VAPB: variants seen among roughly 807,000 people sequenced by gnomAD.
VAPB encodes the protein VAMP associated protein B and C.
Under a neutral mutation model 25.6 loss-of-function variants are expected in VAPB, and 7 were observed. The observed-to-expected ratio is 0.27, with a 90% CI of 0.16 to 0.51. The LOEUF (loss-of-function observed/expected upper bound fraction) is 0.51, where lower values mean the gene tolerates loss of function less well. Among genes scored for constraint, VAPB ranks in the 20% least tolerant of loss-of-function variants. The pLI is 0.97. For synonymous variants in VAPB, 112 were observed against 109.2 expected (o/e 1.03, Z -0.16); for missense variants, 266 against 301.3 (o/e 0.88, Z 0.87).
intron 2 of VAPB, among the ~76,000 whole-genome samples, chr20:58,422,102 A>C (rs1213033924): frequency 6.6e-6 from 1 of 152,182 alleles, no homozygotes; most frequent in African/African-American, 2.4e-5. Flanking sequence ...TTTCCCAAAG[A>C]GTTGCTTTAG....
At position 58,447,973 on chromosome 20, in the gene VAPB, A is replaced by C. The variant is rs766693591; in HGVS notation, c.*3738A>C. 1.3e-4 allele frequency: 60 copies of C among 453,796 alleles called. No homozygotes were observed. The highest frequency in any genetic ancestry group is 2.3e-4 in the Non-Finnish European group (53 of 226,748). 28.1% of individuals were successfully genotyped at this position (453,796 alleles called of 1,614,324 possible). A position where few individuals can be genotyped will look rare whatever the true frequency, so the allele number is the denominator to read the frequency against. On this transcript the variant is annotated 3_prime_UTR_variant, in exon 6 of 6. Transcript: ENST00000475243. ...AGAGGCCACTGCTTCCCCCTGCTGG[A>C]GATGGCATTTCATTGAAGGGCCTCT... is the stretch of plus-strand genomic sequence containing the variant.
chr20:58,443,905 C>T (rs1989216341), intron 5 of VAPB, among the ~76,000 whole-genome samples, 172 bp from the exon 6 acceptor site: 1 of 152,212 alleles, frequency 6.6e-6, no homozygotes, highest in Non-Finnish European at 1.5e-5. Context: ...TCAGTGGCTT[C>T]AGGCTAGCCC....
At chr20:58,393,952 G>A (rs1343491682) in intron 1 of VAPB, among the ~76,000 whole-genome samples, 1 of 152,182 alleles carries the variant, frequency 6.6e-6, no homozygotes, top group Non-Finnish European at 1.5e-5. Flanking sequence ...GGCTGGTCTC[G>A]AACTCCCGAC....
At chr20:58,437,099 A>G (rs930557151) in intron 3 of VAPB, among the ~76,000 whole-genome samples, 1 of 145,030 alleles carries the variant, frequency 6.9e-6, no homozygotes, top group South Asian at 2.2e-4. Flanking sequence ...TGTTCGAGTA[A>G]CTAAAACTAC....
intron 2 of VAPB, chr20:58,431,017 G>A (rs1468066038): frequency 2.0e-5 from 3 of 152,228 alleles, no homozygotes; most frequent in African/African-American, 7.2e-5. Flanking sequence ...AGTTGGAAAA[G>A]GGGAGAGTAT....
Position 58,444,744 on chromosome 20 carries a change from T to C in VAPB, c.*509T>C, listed in dbSNP as rs1170837800. 2.2e-6 allele frequency: 1 copy of C among 454,542 alleles called. No homozygotes were observed. Among genetic ancestry groups the C allele is most frequent in the Admixed American group, 2.3e-5 (1 of 42,574 alleles). The allele number at this position is 454,542 out of a possible 1,614,324, so 28.2% of individuals were successfully genotyped here. On this transcript the variant is annotated 3_prime_UTR_variant, in exon 6 of 6. Transcript: ENST00000475243. ...CAAGCCATCAGCTCCTTGGGACTGA[T>C]GAACAGAGTCAGAAGCCCAAAGGAA...
At chr20:58,410,003 A>G (rs1426817740) in intron 1 of VAPB, among the ~76,000 whole-genome samples, 1 of 152,170 alleles carries the variant, frequency 6.6e-6, no homozygotes, top group Admixed American at 6.6e-5. Flanking sequence ...GATACTACCG[A>G]AAGTGAATTA....
At chr20:58,414,152 C>T (rs529621152) in intron 1 of VAPB, among the ~76,000 whole-genome samples, 2 of 124,104 alleles carry the variant, frequency 1.6e-5, no homozygotes, top group African/African-American at 3.1e-5. Context: ...CCCTCCCGGA[C>T]GGGGCGGCTG....
In VAPB at chr20:58,450,590, C is replaced by T. The variant is rs1221761991; in HGVS notation, c.*6355C>T. Reference sequence around the variant, plus strand: ...ATGATCTATTTCAGTGTTCCTTTCGCCTTTCCTCTGCTTTCTGAATAAATG... The same window carrying T: ...ATGATCTATTTCAGTGTTCCTTTCGTCTTTCCTCTGCTTTCTGAATAAATG... On this transcript the variant is annotated 3_prime_UTR_variant, in exon 6 of 6. Transcript: ENST00000475243. 2 of 453,974 alleles carry T rather than the reference C, an allele frequency of 4.4e-6. No homozygotes were observed. The highest frequency in any genetic ancestry group is 8.8e-6 in the Non-Finnish European group (2 of 226,792). 28.1% of individuals were successfully genotyped at this position (453,974 alleles called of 1,614,324 possible). A position where few individuals can be genotyped will look rare whatever the true frequency, so the allele number is the denominator to read the frequency against.
At position 58,449,347 on chromosome 20, in the gene VAPB, A is replaced by C. The variant is rs1415076086; in HGVS notation, c.*5112A>C. ...TACAGAGATATTTTGAAAAATTTAA[A>C]AGACATGAACTCACATAAACAGTTA... On this transcript the variant is annotated 3_prime_UTR_variant, in exon 6 of 6. Coordinates refer to ENST00000475243, the MANE Select transcript of VAPB (RefSeq NM_004738.5). The C allele has an allele frequency of 2.2e-6, 1 of 451,672 alleles. No homozygotes were observed. Among genetic ancestry groups the C allele is most frequent in the Non-Finnish European group, 4.4e-6 (1 of 226,298 alleles). The allele number at this position is 451,672 out of a possible 1,614,324, so 28.0% of individuals were successfully genotyped here.
At chr20:58,401,310 CTG>C (rs1380493779) in intron 1 of VAPB, among the ~76,000 whole-genome samples, 1 of 152,112 alleles carries the variant, frequency 6.6e-6, no homozygotes, top group Non-Finnish European at 1.5e-5. Flanking sequence ...AGAAGAAAAA[CTG>C]TGTTGTCAGT....
rs762033996 is a variant in VAPB at position 58,450,340 on chromosome 20, C to G, written c.*6105C>G. 1 of 453,020 alleles carries G rather than the reference C, an allele frequency of 2.2e-6. No homozygotes were observed. Among genetic ancestry groups the G allele is most frequent in the Non-Finnish European group, 4.4e-6 (1 of 226,286 alleles). 28.1% of individuals were successfully genotyped at this position (453,020 alleles called of 1,614,324 possible). On this transcript the variant is annotated 3_prime_UTR_variant, in exon 6 of 6. Coordinates refer to ENST00000475243, the MANE Select transcript of VAPB (RefSeq NM_004738.5). Reference sequence around the variant, plus strand: ...ATCATTCACTCCTTAGCAAACGTTTCGTAAGTACCCTCTGTCTGTTTGCTA... The same window carrying G: ...ATCATTCACTCCTTAGCAAACGTTTGGTAAGTACCCTCTGTCTGTTTGCTA...
chr20:58,401,436 G>A (rs947506530), intron 1 of VAPB, among the ~76,000 whole-genome samples: 4 of 151,926 alleles, frequency 2.6e-5, no homozygotes, highest in Admixed American at 6.6e-5. Flanking sequence ...GTCACTGCCC[G>A]GGAGCTCAAT....
chr20:58,397,470 G>C (rs1489067891), intron 1 of VAPB, among the ~76,000 whole-genome samples: 1 of 150,062 alleles, frequency 6.7e-6, no homozygotes, highest in African/African-American at 2.5e-5. Flanking sequence ...GGTGAGCCGA[G>C]ATCCCGCCAT....
chr20:58,419,496 A>G (rs1233539951), intron 2 of VAPB, among the ~76,000 whole-genome samples: 1 of 152,208 alleles, frequency 6.6e-6, no homozygotes, highest in African/African-American at 2.4e-5. Context: ...GGACCTGCAC[A>G]TGTACTATCT....
chr20:58,405,223 G>T (rs1010122174), intron 1 of VAPB, among the ~76,000 whole-genome samples: 1 of 152,142 alleles, frequency 6.6e-6, no homozygotes, highest in Non-Finnish European at 1.5e-5. Context: ...TGTATGAACT[G>T]TGGAGACATT....
chr20:58,392,150 G>A (rs1421488458), intron 1 of VAPB, among the ~76,000 whole-genome samples: 1 of 152,198 alleles, frequency 6.6e-6, no homozygotes, highest in Non-Finnish European at 1.5e-5. Flanking sequence ...CAAAGCCTGG[G>A]GTGGTTATTC....
intron 1 of VAPB, among the ~76,000 whole-genome samples, chr20:58,399,734 C>G (rs1988049816): frequency 1.3e-5 from 2 of 149,942 alleles, no homozygotes; most frequent in Admixed American, 1.3e-4. Flanking sequence ...AAAAAAAAAT[C>G]CTTCTATGAA....
chr20:58,393,067 T>C (rs1987848188), intron 1 of VAPB, among the ~76,000 whole-genome samples: 1 of 152,178 alleles, frequency 6.6e-6, no homozygotes, highest in African/African-American at 2.4e-5. Flanking sequence ...AGGGTCTTGC[T>C]CTGTCACCCA....
Sources: gnomAD v4.1 joint callset for allele counts (sites outside exome capture counted in the v4.1 genomes callset) on GRCh38, gnomAD v4.1.1 for gene constraint, MANE v1.5 for transcripts, NCBI Gene and HGNC (gene_info 2026-07-23, HGNC 2026-07-21) for gene names.